The following FRS2 variants were observed in gnomAD, a reference collection of about 807,000 sequenced individuals.
FRS2 encodes fibroblast growth factor receptor substrate 2, also known as FGFR signalling adaptor.
Under a neutral mutation model 43.9 loss-of-function variants are expected in FRS2, and 8 were observed. The observed-to-expected ratio is 0.18, with a 90% CI of 0.11 to 0.33. The LOEUF (loss-of-function observed/expected upper bound fraction) is 0.33. FRS2 is among the 10% of genes least tolerant of loss of function. FRS2 has a pLI of 1.00. For synonymous variants in FRS2, 219 were observed against 220.3 expected (o/e 0.99, Z 0.05); for missense variants, 534 against 627.6 (o/e 0.85, Z 1.59).
At chr12:69,503,117 C>T (rs1435206140) in intron 1 of FRS2, among the ~76,000 whole-genome samples, 2 of 152,162 alleles carry the variant, frequency 1.3e-5, no homozygotes, top group Non-Finnish European at 2.9e-5. Flanking sequence ...TAAGCTCATT[C>T]AGATTATTGG....
intron 1 of FRS2, among the ~76,000 whole-genome samples, chr12:69,474,377 G>A (rs369845242): frequency 6.6e-6 from 1 of 151,870 alleles, no homozygotes; most frequent in African/African-American, 2.4e-5. Flanking sequence ...TGTACTGGTT[G>A]AATCTGTGTA....
chr12:69,567,789 A>G (rs748464094), intron 4 of FRS2, among the ~76,000 whole-genome samples: 8 of 152,172 alleles, frequency 5.3e-5, no homozygotes, highest in Non-Finnish European at 1.0e-4. Flanking sequence ...GCTCTGGGGA[A>G]ACTGCAGCTT....
At chr12:69,523,000 A>G (rs1875841212) in intron 1 of FRS2, among the ~76,000 whole-genome samples, 3 of 152,176 alleles carry the variant, frequency 2.0e-5, no homozygotes, top group Admixed American at 6.5e-5. Context: ...TTTATATTCA[A>G]TTGTGTAGTT....
rs186974367 is a variant in FRS2 at position 69,578,425 on chromosome 12, C to T, written c.*3470C>T. 30 of 152,586 alleles carry T rather than the reference C, an allele frequency of 2.0e-4. No individual in the cohort carries two copies. Among genetic ancestry groups the T allele is most frequent in the African/African-American group, 6.5e-4 (27 of 41,526 alleles). The allele number at this position is 152,586 out of a possible 1,614,324, so 9.5% of individuals were successfully genotyped here. On this transcript the variant is annotated 3_prime_UTR_variant, in exon 9 of 9. Transcript: ENST00000549921. ...CTTGAAAAATTAACATATTTTATGA[C>T]GTACCACAGTATACTCTGCCCAAAC...
intron 1 of FRS2, among the ~76,000 whole-genome samples, chr12:69,516,663 A>T (rs970663334): frequency 9.9e-5 from 15 of 152,184 alleles, no homozygotes; most frequent in African/African-American, 3.6e-4. Context: ...TTAAATTGTC[A>T]ACATTGAGTA....
chr12:69,506,592 T>C (rs1021229301), intron 1 of FRS2, among the ~76,000 whole-genome samples: 1 of 152,196 alleles, frequency 6.6e-6, no homozygotes, highest in African/African-American at 2.4e-5. Flanking sequence ...CAAATGCTTT[T>C]ATAGCATTTG....
chr12:69,531,856 A>T (rs965594045), intron 2 of FRS2, among the ~76,000 whole-genome samples, 158 bp from the exon 3 acceptor site: 1 of 152,210 alleles, frequency 6.6e-6, no homozygotes, highest in African/African-American at 2.4e-5. Context: ...TATAACACAT[A>T]CTTTTGTTAT....
At chr12:69,486,646 G>T (rs1411493361) in intron 1 of FRS2, among the ~76,000 whole-genome samples, 1 of 152,210 alleles carries the variant, frequency 6.6e-6, no homozygotes, top group East Asian at 1.9e-4. Flanking sequence ...TGAAAGAGAA[G>T]CCTCTTGTGC....
chr12:69,547,830 C>CTTTT (rs71094722), intron 3 of FRS2, among the ~76,000 whole-genome samples: 1,128 of 102,574 alleles, frequency 0.011, 112 homozygotes, highest in African/African-American at 0.038. Context: ...TCCATTAATA[C>CTTTT]TTTTTTTTTT....
At chr12:69,546,711 A>T (rs1308559560) in intron 3 of FRS2, among the ~76,000 whole-genome samples, 1 of 152,148 alleles carries the variant, frequency 6.6e-6, no homozygotes, top group African/African-American at 2.4e-5. Context: ...ACTATTTTTT[A>T]AAAAATAGAA....
chr12:69,572,019 A>G (rs2135813956), intron 7 of FRS2, 99 bp from the exon 8 acceptor site: 2 of 794,150 alleles, frequency 2.5e-6, no homozygotes, highest in South Asian at 2.0e-5. Context: ...GTCTTGGCAG[A>G]AAGACCTCCT....
chr12:69,497,036 A>C (rs1427370074), intron 1 of FRS2, among the ~76,000 whole-genome samples: 2 of 152,240 alleles, frequency 1.3e-5, no homozygotes, highest in East Asian at 3.8e-4. Context: ...AGAATGTTCT[A>C]GAGTCAATTC....
intron 3 of FRS2, among the ~76,000 whole-genome samples, chr12:69,556,837 T>A (rs1259833906): frequency 6.6e-6 from 1 of 152,216 alleles, no homozygotes; most frequent in Non-Finnish European, 1.5e-5. Context: ...AATAAAGCCA[T>A]GAAGCCAAAT....
intron 1 of FRS2, among the ~76,000 whole-genome samples, chr12:69,496,587 A>G (rs1252845086): frequency 6.6e-6 from 1 of 152,250 alleles, no homozygotes; most frequent in Admixed American, 6.5e-5. Context: ...GAGCTCTTAC[A>G]GGCTTCAGAT....
Position 69,556,585 on chromosome 12 carries a change from G to A in FRS2, c.-121-5595G>A, listed in dbSNP as rs541588989. On this transcript the variant is annotated intron_variant, in intron 3 of 8. Transcript: ENST00000549921. The stretch of plus-strand genomic sequence containing the variant: ...AAGTGATCTGCCTGCCTTGGCCAAA[G>A]TGCTGGGATTACAGGCGTGAGCCAT... 5.9e-5 allele frequency among the ~76,000 whole-genome samples: 9 copies of A among 152,272 alleles called. No homozygotes were observed. In the South Asian group the frequency reaches 1.9e-3, roughly 32 times the overall value.
chr12:69,552,736 A>G lies in FRS2; in HGVS notation c.-121-9444A>G, dbSNP rs1459828658. 3.3e-5 allele frequency among the ~76,000 whole-genome samples: 5 copies of G among 152,196 alleles called. No homozygotes were observed. In the South Asian group the frequency reaches 1.0e-3, roughly 32 times the overall value. ...GTGCAACCCTGTCTCTACTAAAAAT[A>G]CAAAACTTAGCTGGGCGTGGTGGCG... On this transcript the variant is annotated intron_variant, in intron 3 of 8. Transcript: ENST00000549921.
chr12:69,489,272 C>T (rs992390343), intron 1 of FRS2, among the ~76,000 whole-genome samples: 35 of 152,142 alleles, frequency 2.3e-4, no homozygotes, highest in African/African-American at 7.5e-4. Flanking sequence ...GGGTAGAGTT[C>T]TGTAAGTTGT....
intron 1 of FRS2, among the ~76,000 whole-genome samples, chr12:69,496,169 G>A (rs1448678546): frequency 6.6e-6 from 1 of 152,028 alleles, no homozygotes; most frequent in Non-Finnish European, 1.5e-5. Context: ...AGGCGTGGGG[G>A]CTCACGCCTG....
chr12:69,483,595 A>G (rs1198302525), intron 1 of FRS2, among the ~76,000 whole-genome samples: 3 of 152,002 alleles, frequency 2.0e-5, no homozygotes, highest in Admixed American at 6.5e-5. Flanking sequence ...TATATACTCA[A>G]TTTTGTTTGC....
Sources: gnomAD v4.1 joint callset for allele counts (sites outside exome capture counted in the v4.1 genomes callset) on GRCh38, gnomAD v4.1.1 for gene constraint, MANE v1.5 for transcripts, NCBI Gene and HGNC (gene_info 2026-07-23, HGNC 2026-07-21) for gene names.